Variants in CUBN observed in about 807,000 individuals in gnomAD.
The protein encoded by CUBN is cubilin.
Under a neutral mutation model 405.3 loss-of-function variants are expected in CUBN, and 282 were observed. The observed-to-expected ratio is 0.70, with a 90% CI of 0.63 to 0.77. The LOEUF is 0.77. CUBN is among the 30% of genes least tolerant of loss of function. CUBN has a pLI of 0.00. For missense variants in CUBN, 4,514 were observed against 4,475.2 expected, an observed-to-expected ratio of 1.01 and a Z score of -0.25; for synonymous variants, 1,684 against 1,617.0, an observed-to-expected ratio of 1.04 and a Z score of -0.99.
At chr10:16,987,049 C>T (rs954195687) in intron 29 of CUBN, among the ~76,000 whole-genome samples, 4 of 152,150 alleles carry the variant, frequency 2.6e-5, no homozygotes, top group Admixed American at 6.5e-5. Context: ...AAAAGCCTAT[C>T]GCAGAGAGGC....
chr10:16,866,213 C>T (rs1051151741), intron 59 of CUBN, among the ~76,000 whole-genome samples: 2 of 152,126 alleles, frequency 1.3e-5, no homozygotes, highest in Non-Finnish European at 2.9e-5. Flanking sequence ...TGCTACTGCA[C>T]AGTAAATAAA....
chr10:17,089,906 T>C (rs1461709056), intron 14 of CUBN, among the ~76,000 whole-genome samples: 1 of 152,022 alleles, frequency 6.6e-6, no homozygotes, highest in Non-Finnish European at 1.5e-5. Flanking sequence ...AGGAATATCA[T>C]TTGAGCCCAG....
chr10:16,881,881 A>T (rs776831775), intron 56 of CUBN, among the ~76,000 whole-genome samples: 2 of 152,240 alleles, frequency 1.3e-5, no homozygotes, highest in African/African-American at 4.8e-5. Flanking sequence ...CATATTCTAA[A>T]GTTCTATATA....
intron 28 of CUBN, among the ~76,000 whole-genome samples, chr10:17,018,510 G>A (rs1834404546): frequency 6.6e-6 from 1 of 152,182 alleles, no homozygotes; most frequent in Admixed American, 6.5e-5. Flanking sequence ...CCTTCGCAGT[G>A]AGTGCTACAG....
chr10:16,884,987 A>G (rs1225164393), intron 56 of CUBN, among the ~76,000 whole-genome samples: 1 of 152,188 alleles, frequency 6.6e-6, no homozygotes, highest in Non-Finnish European at 1.5e-5. Context: ...TAGAAAGGCC[A>G]AGGCTCCCTC....
intron 27 of CUBN, among the ~76,000 whole-genome samples, chr10:17,023,219 G>C (rs1256914680): frequency 2.0e-5 from 3 of 151,540 alleles, no homozygotes; most frequent in African/African-American, 4.9e-5. Context: ...GGGCTAGGCA[G>C]TAGGTTTGGG....
intron 58 of CUBN, 92 bp downstream of exon 58, chr10:16,874,282 T>A (rs1840440427): frequency 7.6e-7 from 1 of 1,317,924 alleles, no homozygotes; most frequent in Non-Finnish European, 1.1e-6. Context: ...AGACTGCCGA[T>A]GAGAATCAGT....
At chr10:16,871,939 T>G (rs1289076316) in intron 58 of CUBN, among the ~76,000 whole-genome samples, 1 of 152,192 alleles carries the variant, frequency 6.6e-6, no homozygotes, top group Non-Finnish European at 1.5e-5. Context: ...AACCTGCAGA[T>G]GTAGGCTGGG....
chr10:17,023,893 A>G (rs2131792600), intron 27 of CUBN, among the ~76,000 whole-genome samples: 1 of 152,312 alleles, frequency 6.6e-6, no homozygotes. Flanking sequence ...GGAGATGTGT[A>G]TATTACAAAA....
chr10:17,051,093 G>A (rs913664828), intron 22 of CUBN, among the ~76,000 whole-genome samples: 7 of 152,030 alleles, frequency 4.6e-5, no homozygotes, highest in African/African-American at 1.7e-4. Flanking sequence ...CAGGTGCAGT[G>A]GCTCACACCT....
At chr10:17,127,799 C>A (rs765306345) in intron 3 of CUBN, 30 bp downstream of exon 3, 146 of 1,505,338 alleles carry the variant, frequency 9.7e-5, no homozygotes, top group Non-Finnish European at 1.3e-4. Context: ...GAGAACTCAT[C>A]GGTTCTTATG....
chr10:17,059,999 ATC>A (rs759108743), intron 22 of CUBN, among the ~76,000 whole-genome samples: 8 of 152,030 alleles, frequency 5.3e-5, no homozygotes, highest in Non-Finnish European at 8.8e-5. Flanking sequence ...TAGATGAGAG[ATC>A]TCAGGTTCCT....
At chr10:17,095,356 T>A (rs1246712281) in intron 14 of CUBN, among the ~76,000 whole-genome samples, 1 of 152,004 alleles carries the variant, frequency 6.6e-6, no homozygotes, top group Non-Finnish European at 1.5e-5. Context: ...TTTTTTTGGA[T>A]ATGACCACAA....
chr10:17,022,368 A>T (rs1461696219), intron 27 of CUBN, among the ~76,000 whole-genome samples: 1 of 152,158 alleles, frequency 6.6e-6, no homozygotes, highest in African/African-American at 2.4e-5. Context: ...AATAAAGATG[A>T]GTTTTATTTT....
At chr10:17,122,646 G>A in intron 6 of CUBN, 149 bp downstream of exon 6, 1 of 677,882 alleles carries the variant, frequency 1.5e-6, no homozygotes, top group Non-Finnish European at 2.7e-6. Flanking sequence ...AAATAGCTAT[G>A]TAGACGTTAA....
rs567217139 is a variant in CUBN, at chr10:16,974,525, G to A, written c.4695+7959C>T. Among the ~76,000 whole-genome samples, 9 of 130,066 alleles carry A rather than the reference G, an allele frequency of 6.9e-5. No individual in the cohort carries two copies. The East Asian group carries it at 8.6e-4, about 12-fold the overall frequency. 85.3% of individuals were successfully genotyped at this position (130,066 alleles called of 152,430 possible). A position where few individuals can be genotyped will look rare whatever the true frequency, so the allele number is the denominator to read the frequency against. ...TGCAAGCTCTGCCTCCCGAGTTCCC[G>A]CCATGCCTGGCTGCTTTTTATATTT... On this transcript the variant is annotated intron_variant, in intron 31 of 66. Transcript: ENST00000377833.
chr10:16,889,904 T>C (rs950970305), intron 55 of CUBN, among the ~76,000 whole-genome samples: 1 of 127,018 alleles, frequency 7.9e-6, no homozygotes, highest in African/African-American at 3.5e-5. Flanking sequence ...ACCACTGCAC[T>C]CCAGCCTGGC....
At chr10:16,869,190 G>C (rs1356817159) in intron 59 of CUBN, among the ~76,000 whole-genome samples, 1 of 122,756 alleles carries the variant, frequency 8.1e-6, no homozygotes, top group African/African-American at 3.1e-5. Context: ...TTTTGAGACA[G>C]AGTCTCATTC....
chr10:16,997,432 T>TA (rs11464946), intron 28 of CUBN, among the ~76,000 whole-genome samples: 57,402 of 122,422 alleles, frequency 0.47, 13,559 homozygotes, highest in East Asian at 0.79. Flanking sequence ...AGACTCCATC[T>TA]AAAAAAAAAA....
Sources: allele counts gnomAD v4.1 joint callset (sites outside exome capture counted in the v4.1 genomes callset), GRCh38; gene constraint gnomAD v4.1.1; transcripts MANE v1.5; gene names NCBI Gene and HGNC (gene_info 2026-07-23, HGNC 2026-07-21).